SH3BP1: variants seen among roughly 807,000 people sequenced by gnomAD.
SH3BP1 encodes SH3 domain-binding protein 1.
A neutral mutation model predicts 69.8 loss-of-function variants in SH3BP1; 46 were observed. The observed-to-expected ratio is 0.66, with a 90% CI of 0.52 to 0.84. The LOEUF (loss-of-function observed/expected upper bound fraction) is 0.84, where lower values mean the gene tolerates loss of function less well. Ranked by LOEUF, SH3BP1 falls within the 40% of genes least tolerant of loss-of-function variation. SH3BP1 has a pLI of 0.00. For synonymous variants in SH3BP1, 403 were observed against 378.0 expected, an observed-to-expected ratio of 1.07 and a Z score of -0.77; for missense variants, 868 against 930.9, an observed-to-expected ratio of 0.93 and a Z score of 0.88.
chr22:37,643,269 G>A (rs1932677533), intron 6 of SH3BP1, 95 bp downstream of exon 6: 4 of 1,114,282 alleles, frequency 3.6e-6, no homozygotes, highest in Admixed American at 2.0e-5. Context: ...GGAGGATGCT[G>A]TGGGGTCTGC....
chr22:37,655,185 A>G, intron 17 of SH3BP1, 87 bp from the exon 18 acceptor site: 2 of 955,830 alleles, frequency 2.1e-6, no homozygotes, highest in Non-Finnish European at 3.0e-6. Context: ...CAGCAGATGC[A>G]AAGGTTGTGA....
rs1377530591 is a variant in SH3BP1 at position 37,639,711 on chromosome 22, G to A, written c.-77G>A. 6.5e-6 allele frequency: 6 copies of A among 916,376 alleles called. No homozygotes were observed. In the African/African-American group the frequency reaches 1.1e-4, roughly 16 times the overall value. The allele number at this position is 916,376 out of a possible 1,614,324, so 56.8% of individuals were successfully genotyped here. ...ATCCGGGGCAAGAGCCGCGCCGCAG[G>A]AGAGGCAGGCTGGACCGGGGGCTCC... On this transcript the variant is annotated 5_prime_UTR_variant, in exon 1 of 18. Coordinates refer to ENST00000649765, the MANE Select transcript of SH3BP1 (RefSeq NM_018957.6).
intron 15 of SH3BP1, 70 bp downstream of exon 15, chr22:37,650,319 C>T (rs1351027597): frequency 6.5e-7 from 1 of 1,532,952 alleles, no homozygotes; most frequent in Non-Finnish European, 8.8e-7. Flanking sequence ...CCCTGTAGCC[C>T]CACAAACTCA....
chr22:37,645,694 A>G (rs1173373907), intron 10 of SH3BP1, among the ~76,000 whole-genome samples, 184 bp downstream of exon 10: 1 of 152,108 alleles, frequency 6.6e-6, no homozygotes, highest in Admixed American at 6.5e-5. Flanking sequence ...CGCGTGGGCC[A>G]AGCGCTGTAC....
At chr22:37,645,150 C>A in intron 9 of SH3BP1, 190 bp downstream of exon 9, 1 of 829,226 alleles carries the variant, frequency 1.2e-6, no homozygotes, top group Non-Finnish European at 1.9e-6. Flanking sequence ...AGGACTAGAG[C>A]CAGGCCTGTG....
At chr22:37,649,839 G>A (rs1932845233) in intron 14 of SH3BP1, 5 of 478,088 alleles carry the variant, frequency 1.0e-5, no homozygotes, top group Non-Finnish European at 1.9e-5. Flanking sequence ...TATGTGAGGA[G>A]TCATCATTAT....
rs745514928 is a variant in SH3BP1, at chr22:37,641,393, C to T, written c.122C>T (p.Pro41Leu). The change falls in exon 3 of 18, where the codon CCG (proline) becomes CTG (leucine). Residue 41 changes from proline to leucine, a missense_variant. Coordinates refer to ENST00000649765, the MANE Select transcript of SH3BP1 (RefSeq NM_018957.6). ...TCCCAGGTAGAACAGCGGCTGGAGC[C>T]GGCCAAGCGGGCAGCCCACAACATC... ...DLLQVEQRLE[P>L]AKRAAHNIHK... 32 of 1,550,792 alleles carry T rather than the reference C, an allele frequency of 2.1e-5. No homozygotes were observed. Among genetic ancestry groups the T allele is most frequent in the Middle Eastern group, 3.3e-4 (2 of 6,010 alleles).
Position 37,648,436 on chromosome 22 carries a change from G to A in SH3BP1, c.1316+1G>A. 1 of 1,554,366 alleles carries A rather than the reference G, an allele frequency of 6.4e-7. No homozygotes were observed. On this transcript the variant is annotated splice_donor_variant, in intron 14 of 17. Coordinates refer to ENST00000649765, the MANE Select transcript of SH3BP1 (RefSeq NM_018957.6). LOFTEE classifies it high-confidence loss of function. ...TGCTGTGGCCACCTGAGAAAGAAGG[G>A]TGAGGGGCCGCGGGCTGGGGGAGGT... is the stretch of plus-strand genomic sequence containing the variant.
Position 37,643,264 on chromosome 22 carries a change from A to G in SH3BP1, c.473+90A>G. 3 of 1,151,690 alleles carry G rather than the reference A, an allele frequency of 2.6e-6. No individual in the cohort carries two copies. The Admixed American group carries it at 6.0e-5, about 23-fold the overall frequency. 71.3% of individuals were successfully genotyped at this position (1,151,690 alleles called of 1,614,324 possible). ...TTGAGGCCCTGGCCACACCAGGAGGATGCTGTGGGGTCTGCTGAGTACAGT... is the reference window on the plus strand; with the variant it reads ...TTGAGGCCCTGGCCACACCAGGAGGGTGCTGTGGGGTCTGCTGAGTACAGT... On this transcript the variant is annotated intron_variant, in intron 6 of 17. Transcript: ENST00000649765.
At chr22:37,643,502 T>G in intron 6 of SH3BP1, 142 bp from the exon 7 acceptor site, 1 of 1,218,730 alleles carries the variant, frequency 8.2e-7, no homozygotes, top group Non-Finnish European at 1.1e-6. Context: ...TGGCCCAGCC[T>G]GGGCAGAGGC....
chr22:37,655,955 A>G lies in SH3BP1; in HGVS notation c.*271A>G. 6.4e-7 allele frequency: 1 copy of G among 1,556,184 alleles called. No individual in the cohort carries two copies. ...TAGGGGAGCCACCGGAAGGAAGGAG[A>G]GGTTTGCCTGCTCCTACGGGACTGA... On this transcript the variant is annotated 3_prime_UTR_variant, in exon 18 of 18. Coordinates refer to ENST00000649765, the MANE Select transcript of SH3BP1 (RefSeq NM_018957.6).
rs1933010252 is a variant in SH3BP1, at chr22:37,655,599, C to CTAT, written c.2021_2022insTAT (p.Ala674_Pro675insIle). On this transcript the variant is annotated inframe_insertion, in exon 18 of 18. Transcript: ENST00000649765. The stretch of plus-strand genomic sequence containing the variant: ...GGGGCTGCCACAGCAGAGGGAGGAG[C>CTAT]CCCTGAGGCTATCAGTGGGGTCCCC... 2 of 1,583,586 alleles carry CTAT rather than the reference C, an allele frequency of 1.3e-6. No homozygotes were observed. The highest frequency in any genetic ancestry group is 1.4e-5 in the African/African-American group (1 of 73,990).
intron 1 of SH3BP1, chr22:37,640,912 G>A (rs2146041925): frequency 1.7e-6 from 1 of 589,898 alleles, no homozygotes; most frequent in Non-Finnish European, 3.0e-6. Flanking sequence ...CCTGGGTGGA[G>A]GAGGAAAAAC....
At chr22:37,639,975 C>T (rs1469796681) in intron 1 of SH3BP1, 129 bp downstream of exon 1, 8 of 631,986 alleles carry the variant, frequency 1.3e-5, no homozygotes, top group Admixed American at 7.4e-5. Flanking sequence ...CGGCCAGACT[C>T]CTGCTCTCTC....
Position 37,645,439 on chromosome 22 carries a change from C to G in SH3BP1, c.853C>G (p.Leu285Val), listed in dbSNP as rs1472919978. Residue 285 changes from leucine to valine, a missense_variant, in exon 10 of 18, where the codon CTG becomes GTG. Transcript: ENST00000649765. ...GVSLATHLQELGREIALPIEA... is the reference protein window; with the variant it reads ...GVSLATHLQEVGREIALPIEA... ...GTCGCTGGCAACCCACCTGCAAGAGCTGGGCCGGGAGATTGCCCTGCCCAT... is the reference window on the plus strand; with the variant it reads ...GTCGCTGGCAACCCACCTGCAAGAGGTGGGCCGGGAGATTGCCCTGCCCAT... 5 of 1,613,968 alleles carry G rather than the reference C, an allele frequency of 3.1e-6. No individual in the cohort carries two copies. In the East Asian group the frequency reaches 1.1e-4, roughly 36 times the overall value.
chr22:37,641,181 G>T lies in SH3BP1; in HGVS notation c.102+13G>T. On this transcript the variant is annotated intron_variant, in intron 2 of 17. Transcript: ENST00000649765. Reference sequence around the variant, plus strand: ...GGACCTGCTGCAGGTACGTGCCTGGGCCGGGCAGGTGGGAAGGCAGGCCTG... The same window carrying T: ...GGACCTGCTGCAGGTACGTGCCTGGTCCGGGCAGGTGGGAAGGCAGGCCTG... 6.5e-7 allele frequency: 1 copy of T among 1,550,062 alleles called. No individual in the cohort carries two copies.
At chr22:37,651,226 G>A (rs1177276087) in intron 16 of SH3BP1, among the ~76,000 whole-genome samples, 1 of 151,788 alleles carries the variant, frequency 6.6e-6, no homozygotes, top group Non-Finnish European at 1.5e-5. Flanking sequence ...TAGAGATGGG[G>A]TTTCGCCATG....
Position 37,641,115 on chromosome 22 carries a change from A to AAAC in SH3BP1, c.60-11_60-10insAAC. 2.3e-6 allele frequency: 2 copies of AAAC among 868,198 alleles called. No individual in the cohort carries two copies. The highest frequency in any genetic ancestry group is 1.7e-6 in the Non-Finnish European group (1 of 595,172). The allele number at this position is 868,198 out of a possible 1,614,324, so 53.8% of individuals were successfully genotyped here. A position where few individuals can be genotyped will look rare whatever the true frequency, so the allele number is the denominator to read the frequency against. ...AAGCACTCTCCCCCCCCCCCCCACCACTCCCCGCAGCACCCCGGAGACCGC... is the reference window on the plus strand; with the variant it reads ...AAGCACTCTCCCCCCCCCCCCCACCAAACCTCCCCGCAGCACCCCGGAGACCGC... On this transcript the variant is annotated splice_polypyrimidine_tract_variant and intron_variant, in intron 1 of 17. Coordinates refer to ENST00000649765, the MANE Select transcript of SH3BP1 (RefSeq NM_018957.6).
In SH3BP1 at chr22:37,645,359, C is replaced by T; in HGVS notation, c.779-6C>T. ...CCTGGGCCGCTGATCTGTTTCATCCCTGCAGACCACTCCCCTTCGATGACA... is the reference window on the plus strand; with the variant it reads ...CCTGGGCCGCTGATCTGTTTCATCCTTGCAGACCACTCCCCTTCGATGACA... On this transcript the variant is annotated splice_polypyrimidine_tract_variant and splice_region_variant and intron_variant, in intron 9 of 17. Coordinates refer to ENST00000649765, the MANE Select transcript of SH3BP1 (RefSeq NM_018957.6). 1 of 1,605,264 alleles carries T rather than the reference C, an allele frequency of 6.2e-7. No individual in the cohort carries two copies. The highest frequency in any genetic ancestry group is 8.5e-7 in the Non-Finnish European group (1 of 1,173,118).
Sources: allele counts gnomAD v4.1 joint callset (sites outside exome capture counted in the v4.1 genomes callset), GRCh38; gene constraint gnomAD v4.1.1; transcripts MANE v1.5; gene names NCBI Gene and HGNC (gene_info 2026-07-23, HGNC 2026-07-21).